CLCN6: variants seen among roughly 807,000 people sequenced by gnomAD.
The protein encoded by CLCN6 is H(+)/Cl(-) exchange transporter 6.
Under a neutral mutation model 109.8 loss-of-function variants are expected in CLCN6, and 70 were observed. That is an observed-to-expected ratio of 0.64 (90% CI 0.53 to 0.78). The LOEUF (loss-of-function observed/expected upper bound fraction) is 0.78, where lower values mean the gene tolerates loss of function less well. CLCN6 is among the 30% of genes least tolerant of loss of function. The pLI is 0.00. For synonymous variants in CLCN6, 444 were observed against 447.8 expected (o/e 0.99, Z 0.11); for missense variants, 984 against 1,142.3 (o/e 0.86, Z 2.00).
chr1:11,836,957 C>G lies in CLCN6; in HGVS notation c.1981-42C>G, dbSNP rs542463784. The stretch of plus-strand genomic sequence containing the variant: ...TAAGCTCCATCAGTACTGCTGTGTT[C>G]GTTTGCCCATGCGCAGTAGCCTGTG... On this transcript the variant is annotated intron_variant, in intron 18 of 22. Coordinates refer to ENST00000346436, the MANE Select transcript of CLCN6 (RefSeq NM_001286.5). 22 of 1,599,170 alleles carry G rather than the reference C, an allele frequency of 1.4e-5. No homozygotes were observed. The East Asian group carries it at 4.7e-4, about 34-fold the overall frequency.
At chr1:11,820,478 T>A in intron 5 of CLCN6, 1 of 687,248 alleles carries the variant, frequency 1.5e-6, no homozygotes, top group Non-Finnish European at 2.7e-6. Flanking sequence ...AGAAAAAACA[T>A]CAATGGGGCC....
Position 11,807,121 on chromosome 1 carries a change from G to A in CLCN6, c.88-10G>A, listed in dbSNP as rs904450271. The A allele has an allele frequency of 3.7e-6, 6 of 1,613,922 alleles. No homozygotes were observed. The Admixed American group carries it at 8.3e-5, about 22-fold the overall frequency. The stretch of plus-strand genomic sequence containing the variant: ...TAAAAAAGGCTCCCTCTGCGGATCT[G>A]TTTTTCTAGACCATCCTTGGAGAAA... On this transcript the variant is annotated splice_polypyrimidine_tract_variant and intron_variant, in intron 1 of 22. Coordinates refer to ENST00000346436, the MANE Select transcript of CLCN6 (RefSeq NM_001286.5).
Position 11,837,368 on chromosome 1 carries a change from C to T in CLCN6, c.2164C>T (p.Pro722Ser), listed in dbSNP as rs1221227869. The stretch of plus-strand genomic sequence containing the variant: ...ATACACTCCCTACCCCAACCTATAC[C>T]CTGACCAGTCCCCAAGTGAAGACTG... ...RRYTPYPNLY[P>S]DQSPSEDWTM... is the part of the protein sequence containing the mutation. Residue 722 changes from proline (P) to serine (S), a missense_variant, in exon 20 of 23, where the codon CCT (proline) becomes TCT (serine). By Grantham distance (74) the Pro-to-Ser change is moderately conservative. Coordinates refer to ENST00000346436, the MANE Select transcript of CLCN6 (RefSeq NM_001286.5). The T allele has an allele frequency of 1.9e-6, 3 of 1,613,760 alleles. No homozygotes were observed. Among genetic ancestry groups the T allele is most frequent in the South Asian group, 1.1e-5 (1 of 91,072 alleles).
At chr1:11,835,514 A>G (rs1009124700) in intron 17 of CLCN6, among the ~76,000 whole-genome samples, 3 of 152,136 alleles carry the variant, frequency 2.0e-5, no homozygotes, top group African/African-American at 7.2e-5. Context: ...GGCTCAAGCA[A>G]TCTGCTGGCC....
intron 4 of CLCN6, 75 bp downstream of exon 4, chr1:11,816,755 A>G: frequency 2.0e-6 from 2 of 1,010,394 alleles, no homozygotes; most frequent in Non-Finnish European, 2.9e-6. Context: ...TGGCCTGGTG[A>G]ATAACATTGT....
chr1:11,829,123 AG>A (rs1400343524), intron 12 of CLCN6, 72 bp from the exon 13 acceptor site: 4 of 1,570,384 alleles, frequency 2.5e-6, no homozygotes, highest in Admixed American at 1.8e-5. Flanking sequence ...GGGGGTAGGC[AG>A]GGTTATGTTT....
chr1:11,838,738 TCACCAGAAACGTAGGCATCCC>T, intron 22 of CLCN6, 78 bp downstream of exon 22: 1 of 1,602,568 alleles, frequency 6.2e-7, no homozygotes, highest in Admixed American at 1.7e-5. Context: ...CCCAGGCTTC[TCACCAGAAACGTAGGCATCCC>T]ACCAGGAGGG....
At chr1:11,836,877 C>G in intron 18 of CLCN6, 122 bp from the exon 19 acceptor site, 1 of 1,109,534 alleles carries the variant, frequency 9.0e-7, no homozygotes, top group Non-Finnish European at 1.3e-6. Context: ...AACCTCAGCC[C>G]CATTAAGTTC....
intron 4 of CLCN6, among the ~76,000 whole-genome samples, chr1:11,818,075 A>G (rs1644697015): frequency 1.3e-5 from 2 of 152,052 alleles, no homozygotes; most frequent in African/African-American, 4.8e-5. Flanking sequence ...CAGCCTGGGC[A>G]ACGTAGGGAG....
At chr1:11,824,090 T>C (rs2076003) in intron 7 of CLCN6, among the ~76,000 whole-genome samples, 5,808 of 152,340 alleles carry the variant, frequency 0.038, 189 homozygotes, top group East Asian at 0.12. Context: ...TTAGCAAGCT[T>C]TTTGTGTCAA....
intron 19 of CLCN6, 54 bp from the exon 20 acceptor site, chr1:11,837,289 C>T: frequency 3.1e-6 from 5 of 1,591,556 alleles, no homozygotes; most frequent in African/African-American, 1.3e-5. Flanking sequence ...GAACATGGAT[C>T]AGAAGCGCTC....
intron 5 of CLCN6, chr1:11,820,634 G>T: frequency 2.9e-6 from 1 of 342,524 alleles, no homozygotes. Flanking sequence ...GGGCGTGGCG[G>T]TGTGCGCCTG....
chr1:11,835,927 G>A (rs747369304), intron 17 of CLCN6, 40 bp from the exon 18 acceptor site: 2 of 1,585,688 alleles, frequency 1.3e-6, no homozygotes, highest in South Asian at 1.1e-5. Flanking sequence ...GGGCCTGCGG[G>A]CACTGTCATG....
intron 2 of CLCN6, among the ~76,000 whole-genome samples, chr1:11,814,511 G>A (rs1391780150): frequency 6.6e-6 from 1 of 151,992 alleles, no homozygotes; most frequent in Non-Finnish European, 1.5e-5. Context: ...GCCTCCCAAA[G>A]TGCTGGGATT....
chr1:11,826,041 G>A (rs887690445), intron 8 of CLCN6, 115 bp from the exon 9 acceptor site: 1 of 744,854 alleles, frequency 1.3e-6, no homozygotes, highest in Admixed American at 2.6e-5. Context: ...CATAGTTTCA[G>A]TCCTAGGCTG....
chr1:11,822,831 TAGG>T (rs1644763413), intron 6 of CLCN6, 30 bp downstream of exon 6: 1 of 1,406,738 alleles, frequency 7.1e-7, no homozygotes, highest in African/African-American at 1.4e-5. Flanking sequence ...CCTGCTCGCT[TAGG>T]AGGTTTTAGA....
intron 2 of CLCN6, among the ~76,000 whole-genome samples, chr1:11,807,489 A>C (rs183257412): frequency 2.7e-4 from 41 of 152,356 alleles, no homozygotes; most frequent in African/African-American, 9.1e-4. Context: ...TTAGAGTGAA[A>C]GGCACTGGCA....
intron 22 of CLCN6, among the ~76,000 whole-genome samples, chr1:11,839,389 G>A (rs1045958558): frequency 2.0e-5 from 3 of 152,174 alleles, no homozygotes; most frequent in African/African-American, 7.2e-5. Flanking sequence ...AGCCTCCTGA[G>A]TAGCTGGGAC....
intron 19 of CLCN6, 51 bp downstream of exon 19, chr1:11,837,207 G>A (rs764667149): frequency 6.2e-7 from 1 of 1,605,916 alleles, no homozygotes. Flanking sequence ...CAGCGGTGGG[G>A]TGAGCCTTTG....
Sources: gnomAD v4.1 joint callset for allele counts (sites outside exome capture counted in the v4.1 genomes callset) on GRCh38, gnomAD v4.1.1 for gene constraint, MANE v1.5 for transcripts, NCBI Gene and HGNC (gene_info 2026-07-23, HGNC 2026-07-21) for gene names.